Variants in TMEM132D observed in about 807,000 individuals in gnomAD.
The protein encoded by TMEM132D is transmembrane protein 132D.
A neutral mutation model predicts 62.3 loss-of-function variants in TMEM132D; 21 were observed. The observed-to-expected ratio is 0.34, with a 90% CI of 0.24 to 0.49. TMEM132D has a LOEUF of 0.49. Ranked by LOEUF, TMEM132D falls within the 20% of genes least tolerant of loss-of-function variation. The pLI is 0.99. For missense variants in TMEM132D, 1,346 were observed against 1,402.8 expected (o/e 0.96, Z 0.65); for synonymous variants, 621 against 575.6 (o/e 1.08, Z -1.13).
chr12:129,654,506 C>T (rs1880020678), intron 2 of TMEM132D, among the ~76,000 whole-genome samples: 1 of 152,124 alleles, frequency 6.6e-6, no homozygotes, highest in Non-Finnish European at 1.5e-5. Flanking sequence ...CCCCTAATAA[C>T]CAATTTTATG....
intron 3 of TMEM132D, among the ~76,000 whole-genome samples, chr12:129,375,186 G>A (rs892129025): frequency 2.0e-5 from 3 of 152,152 alleles, no homozygotes; most frequent in Non-Finnish European, 2.9e-5. Context: ...TTTATGCAAG[G>A]GAGATGATAA....
intron 2 of TMEM132D, among the ~76,000 whole-genome samples, chr12:129,539,123 A>G (rs1445445578): frequency 6.6e-6 from 1 of 152,190 alleles, no homozygotes; most frequent in Non-Finnish European, 1.5e-5. Context: ...TTGCGAGTAC[A>G]GGACAAAGGA....
chr12:129,297,052 A>G (rs916878166), intron 4 of TMEM132D, among the ~76,000 whole-genome samples: 47 of 152,184 alleles, frequency 3.1e-4, no homozygotes, highest in Admixed American at 2.5e-3. Flanking sequence ...GTGCCTGTCC[A>G]GAGAAAGTTT....
chr12:129,318,533 T>A (rs1437032734), intron 4 of TMEM132D, among the ~76,000 whole-genome samples: 3 of 152,174 alleles, frequency 2.0e-5, no homozygotes, highest in Non-Finnish European at 1.5e-5. Flanking sequence ...ACAGTGGCTG[T>A]TCCAGTGGAG....
rs533327476 is a variant in TMEM132D, at chr12:129,648,722, A to AC, written c.968+51087dup. Among the ~76,000 whole-genome samples the AC allele has an allele frequency of 4.4e-4, 67 of 152,366 alleles. No homozygotes were observed. In the South Asian group the frequency reaches 0.013, roughly 30 times the overall value. On this transcript the variant is annotated intron_variant, in intron 2 of 8. Coordinates refer to ENST00000422113, the MANE Select transcript of TMEM132D (RefSeq NM_133448.3). ...AACAAATCACCAAAGTGGTGCCTAAACCACAGTATTTTATGAATACGCATT... is the reference window on the plus strand; with the variant it reads ...AACAAATCACCAAAGTGGTGCCTAAACCCACAGTATTTTATGAATACGCATT...
At chr12:129,469,419 A>G (rs1000594963) in intron 3 of TMEM132D, among the ~76,000 whole-genome samples, 1 of 152,200 alleles carries the variant, frequency 6.6e-6, no homozygotes, top group Non-Finnish European at 1.5e-5. Context: ...CTGAATCAGA[A>G]ATTCTGGAGG....
intron 2 of TMEM132D, among the ~76,000 whole-genome samples, chr12:129,647,241 C>G (rs909001128): frequency 5.3e-5 from 4 of 75,350 alleles, no homozygotes; most frequent in Non-Finnish European, 7.7e-5. Flanking sequence ...CTTTGTTTTT[C>G]TGTTTTTTTT....
chr12:129,877,775 T>C (rs563763634), intron 1 of TMEM132D, among the ~76,000 whole-genome samples: 1 of 152,320 alleles, frequency 6.6e-6, no homozygotes, highest in African/African-American at 2.4e-5. Flanking sequence ...GCTGTTTCTC[T>C]TCCAGTCATG....
chr12:129,450,803 C>T (rs950435502), intron 3 of TMEM132D, among the ~76,000 whole-genome samples: 15 of 133,066 alleles, frequency 1.1e-4, no homozygotes, highest in Non-Finnish European at 2.3e-4. Flanking sequence ...GTCGCCCAGG[C>T]TGGAGTGCAG....
At chr12:129,789,586 T>C (rs1871343279) in intron 1 of TMEM132D, among the ~76,000 whole-genome samples, 1 of 152,200 alleles carries the variant, frequency 6.6e-6, no homozygotes, top group Admixed American at 6.5e-5. Flanking sequence ...TTTGTATGCT[T>C]TGAAAGATTT....
chr12:129,318,990 G>A (rs533726438), intron 4 of TMEM132D, among the ~76,000 whole-genome samples: 147 of 152,234 alleles, frequency 9.7e-4, no homozygotes, highest in Non-Finnish European at 1.7e-3. Context: ...GCAACAGTCT[G>A]TCTCCAGGCG....
chr12:129,105,852 A>T (rs1429293194), intron 5 of TMEM132D, among the ~76,000 whole-genome samples: 5 of 151,152 alleles, frequency 3.3e-5, no homozygotes, highest in African/African-American at 1.2e-4. Flanking sequence ...TGTGGAAGTC[A>T]GTGTGGCGAT....
At chr12:129,130,783 G>A (rs920341679) in intron 5 of TMEM132D, among the ~76,000 whole-genome samples, 3 of 152,072 alleles carry the variant, frequency 2.0e-5, no homozygotes, top group Non-Finnish European at 2.9e-5. Context: ...GGAGTACAAC[G>A]GTGCATATTA....
chr12:129,164,649 C>A (rs186949411), intron 5 of TMEM132D, among the ~76,000 whole-genome samples: 1 of 152,128 alleles, frequency 6.6e-6, no homozygotes, highest in African/African-American at 2.4e-5. Flanking sequence ...AGCAAGGCAC[C>A]TTCTTCACAA....
intron 3 of TMEM132D, among the ~76,000 whole-genome samples, chr12:129,522,944 C>T (rs1875896454): frequency 1.1e-5 from 1 of 87,758 alleles, no homozygotes; most frequent in Admixed American, 1.6e-4. Flanking sequence ...TATATGTAGA[C>T]ATAGATTATA....
At chr12:129,525,074 C>A (rs187041148) in intron 3 of TMEM132D, among the ~76,000 whole-genome samples, 112 of 149,264 alleles carry the variant, frequency 7.5e-4, no homozygotes, top group African/African-American at 2.5e-3. Flanking sequence ...TACAGGCGCC[C>A]GCCACCACAC....
At chr12:129,740,697 ATT>A (rs1869574146) in intron 1 of TMEM132D, among the ~76,000 whole-genome samples, 1 of 152,186 alleles carries the variant, frequency 6.6e-6, no homozygotes, top group Non-Finnish European at 1.5e-5. Context: ...AGAACAGTAC[ATT>A]ATTTTCTGGT....
chr12:129,590,398 C>T (rs1394995997), intron 2 of TMEM132D, among the ~76,000 whole-genome samples: 1 of 152,224 alleles, frequency 6.6e-6, no homozygotes, highest in Non-Finnish European at 1.5e-5. Flanking sequence ...CAAGGCGCTT[C>T]CTCCTTCCAA....
At chr12:129,109,849 C>G (rs1478926766) in intron 5 of TMEM132D, 2 of 155,640 alleles carry the variant, frequency 1.3e-5, no homozygotes, top group African/African-American at 2.4e-5. Flanking sequence ...TCCCTACCAG[C>G]GGGTGTAGTC....
Sources: gnomAD v4.1 joint callset for allele counts (sites outside exome capture counted in the v4.1 genomes callset) on GRCh38, gnomAD v4.1.1 for gene constraint, MANE v1.5 for transcripts, NCBI Gene and HGNC (gene_info 2026-07-23, HGNC 2026-07-21) for gene names.